RELN: variants seen among roughly 807,000 people sequenced by gnomAD.
RELN encodes reelin.
Under a neutral mutation model 427.6 loss-of-function variants are expected in RELN, and 108 were observed. The observed-to-expected ratio is 0.25, with a 90% confidence interval of 0.22 to 0.30. The LOEUF is 0.30. Among genes scored for constraint, RELN ranks in the 10% least tolerant of loss-of-function variants. The probability of loss-of-function intolerance (pLI) is 1.00; values close to 1 mark genes in which losing one functional copy is unlikely to be tolerated. For missense variants in RELN, 3,715 were observed against 4,302.8 expected, an observed-to-expected ratio of 0.86 and a Z score of 3.82; for synonymous variants, 1,524 against 1,513.4, an observed-to-expected ratio of 1.01 and a Z score of -0.16.
chr7:103,741,571 G>A (rs1238111866), intron 6 of RELN, among the ~76,000 whole-genome samples: 1 of 151,628 alleles, frequency 6.6e-6, no homozygotes, highest in Non-Finnish European at 1.5e-5. Context: ...GAGGGAAGAA[G>A]GAAGAAAAGG....
intron 16 of RELN, among the ~76,000 whole-genome samples, chr7:103,642,488 A>G (rs1832714782): frequency 6.6e-6 from 1 of 151,930 alleles, no homozygotes; most frequent in Admixed American, 6.6e-5. Context: ...ACAGAATTAA[A>G]GAGATTCTGC....
At position 103,651,760 on chromosome 7, in the gene RELN, C is replaced by T; in HGVS notation, c.1793G>A (p.Gly598Glu). ...AGTGTGAAGGAGGGACCAGGAGCGCCCATGGTTGGTAGAAAATTCCAAGCT... is the reference window on the plus strand; with the variant it reads ...AGTGTGAAGGAGGGACCAGGAGCGCTCATGGTTGGTAGAAAATTCCAAGCT... ...SVSLEFSTNH[G>E]RSWSLLHTEC... Residue 598 changes from glycine to glutamate, a missense_variant, in exon 15 of 65, where the codon GGG becomes GAG. Gly to Glu is a moderately conservative substitution (Grantham distance 98, BLOSUM62 -2). This residue lies in a region of RELN where 2,208 missense variants were observed against 2,361.7 expected (regional missense o/e 0.93). Coordinates refer to ENST00000428762, the MANE Select transcript of RELN (RefSeq NM_005045.4). 6.2e-7 allele frequency: 1 copy of T among 1,611,630 alleles called. No homozygotes were observed. Among genetic ancestry groups the T allele is most frequent in the Non-Finnish European group, 8.5e-7 (1 of 1,178,618 alleles).
At chr7:103,491,031 G>A (rs918882676) in intron 58 of RELN, among the ~76,000 whole-genome samples, 13 of 151,994 alleles carry the variant, frequency 8.6e-5, no homozygotes, top group Non-Finnish European at 1.3e-4. Context: ...AAAAGCACAC[G>A]GACAACAGAA....
chr7:103,547,162 GA>G (rs1446290522), intron 41 of RELN, among the ~76,000 whole-genome samples: 1 of 152,176 alleles, frequency 6.6e-6, no homozygotes, highest in East Asian at 1.9e-4. Flanking sequence ...ACTAAATTCT[GA>G]ATAGTTTTCT....
intron 1 of RELN, among the ~76,000 whole-genome samples, chr7:103,940,079 T>G (rs981935000): frequency 6.6e-6 from 1 of 152,216 alleles, no homozygotes; most frequent in Admixed American, 6.5e-5. Flanking sequence ...TGATGTTTTA[T>G]ACATATACCC....
chr7:103,873,063 G>A (rs557829660), intron 2 of RELN, among the ~76,000 whole-genome samples: 7 of 151,938 alleles, frequency 4.6e-5, no homozygotes, highest in South Asian at 2.1e-4. Flanking sequence ...ACTCAAAGCC[G>A]CCCAACTACA....
At chr7:103,801,441 G>T (rs1196609899) in intron 3 of RELN, among the ~76,000 whole-genome samples, 1 of 152,168 alleles carries the variant, frequency 6.6e-6, no homozygotes, top group Non-Finnish European at 1.5e-5. Flanking sequence ...GGACATGGAT[G>T]AAAATGGAAA....
rs943982931 is a variant in RELN at position 103,553,728 on chromosome 7, T to G, written c.5901A>C (p.Glu1967Asp). Residue 1967 changes from glutamate (E) to aspartate (D), a missense_variant, in exon 39 of 65, where the codon GAA (glutamate) becomes GAC (aspartate). Transcript: ENST00000428762. Reference protein sequence around the residue: ...LLDTFDFGPREDNWFFYPGGN... With the variant: ...LLDTFDFGPRDDNWFFYPGGN... Reference sequence around the variant, plus strand: ...CACCAGGATAGAAAAACCAATTGTCTTCTCTGGGCCCAAAATCAAATGTAT... The same window carrying G: ...CACCAGGATAGAAAAACCAATTGTCGTCTCTGGGCCCAAAATCAAATGTAT... The G allele has an allele frequency of 6.2e-7, 1 of 1,614,138 alleles. No homozygotes were observed. Among genetic ancestry groups the G allele is most frequent in the Non-Finnish European group, 8.5e-7 (1 of 1,179,996 alleles).
intron 28 of RELN, among the ~76,000 whole-genome samples, chr7:103,586,272 A>G (rs1296151578): frequency 2.0e-5 from 3 of 152,180 alleles, no homozygotes. Context: ...CTGAGGCAGG[A>G]GAATTGCTTG....
At position 103,988,891 on chromosome 7, in the gene RELN, A is replaced by G. The variant is rs1248384805; in HGVS notation, c.226+240T>C. On this transcript the variant is annotated intron_variant, in intron 1 of 64. Coordinates refer to ENST00000428762, the MANE Select transcript of RELN (RefSeq NM_005045.4). The surrounding 1 kb of genome is among the most constrained non-coding windows in gnomAD (Gnocchi z 4.9). ...CTCCAAGAATTCTCAGGCGTTTAGC[A>G]CAAGCACCAGCTCATTACCAGGAGA... 2.6e-5 allele frequency among the ~76,000 whole-genome samples: 4 copies of G among 152,218 alleles called. No individual in the cohort carries two copies. The highest frequency in any genetic ancestry group is 9.6e-5 in the African/African-American group (4 of 41,458).
At chr7:103,891,094 C>A (rs1794839874) in intron 2 of RELN, among the ~76,000 whole-genome samples, 1 of 151,810 alleles carries the variant, frequency 6.6e-6, no homozygotes, top group South Asian at 2.1e-4. Flanking sequence ...AAAAACAAAA[C>A]AAAACAAAAA....
chr7:103,680,720 C>G (rs937347916), intron 11 of RELN, among the ~76,000 whole-genome samples: 2 of 151,854 alleles, frequency 1.3e-5, no homozygotes, highest in Non-Finnish European at 2.9e-5. Flanking sequence ...CCCAGCCTGA[C>G]CCTGGGGAGG....
At chr7:103,491,093 A>G (rs1828635309) in intron 58 of RELN, among the ~76,000 whole-genome samples, 1 of 152,368 alleles carries the variant, frequency 6.6e-6, no homozygotes, top group Non-Finnish European at 1.5e-5. Context: ...TCCTACTGAC[A>G]TTGTTACTAG....
intron 1 of RELN, among the ~76,000 whole-genome samples, chr7:103,962,646 T>TTGTTGTGTGTGTGTGTGTG (rs1187382987): frequency 1.0e-3 from 156 of 149,912 alleles, no homozygotes; most frequent in African/African-American, 3.7e-3. Flanking sequence ...TCCAAAGTTG[T>TTGTTGTGTGTGTGTGTGTG]TGTGTGTGTG....
At chr7:103,985,400 A>C (rs1480086661) in intron 1 of RELN, among the ~76,000 whole-genome samples, 1 of 152,184 alleles carries the variant, frequency 6.6e-6, no homozygotes, top group Non-Finnish European at 1.5e-5. Context: ...ATTTAGGTAC[A>C]TTGTCTCACC....
intron 63 of RELN, among the ~76,000 whole-genome samples, chr7:103,481,070 C>T (rs953505218): frequency 6.6e-6 from 1 of 152,182 alleles, no homozygotes; most frequent in African/African-American, 2.4e-5. Context: ...TCTAAGGCAG[C>T]ATGTTGACAG....
chr7:103,624,866 T>A (rs1420678661), intron 20 of RELN, among the ~76,000 whole-genome samples: 2 of 151,644 alleles, frequency 1.3e-5, no homozygotes, highest in Non-Finnish European at 2.9e-5. Flanking sequence ...ACTTGTGTTT[T>A]AAAAAAAAAG....
At chr7:103,963,792 G>A (rs1796609525) in intron 1 of RELN, among the ~76,000 whole-genome samples, 1 of 152,184 alleles carries the variant, frequency 6.6e-6, no homozygotes. Flanking sequence ...GAAAAGTAGA[G>A]TGCAGATAGT....
chr7:103,611,779 G>A lies in RELN; in HGVS notation c.2727C>T (p.Ala909=), dbSNP rs1200772760. ...GTGTTTCCACATAGCGCATACTTGA[G>A]GCAAGTTTAGAATCTCCTGTAAAAC... ...TLCFTGDSKL[A]SSMRYVETQS... Residue 909 remains alanine (A), a synonymous_variant, in exon 21 of 65, where the codon GCC becomes GCT. Transcript: ENST00000428762. The A allele has an allele frequency of 3.1e-6, 5 of 1,613,732 alleles. No individual in the cohort carries two copies. The South Asian group carries it at 5.5e-5, about 18-fold the overall frequency.
Sources: allele counts gnomAD v4.1 joint callset (sites outside exome capture counted in the v4.1 genomes callset), GRCh38; gene constraint gnomAD v4.1.1; regional missense constraint gnomAD v4.1.1; non-coding constraint Gnocchi (gnomAD v3.1); transcripts MANE v1.5; gene names NCBI Gene and HGNC (gene_info 2026-07-23, HGNC 2026-07-21).